XIRP2: variants seen among roughly 807,000 people sequenced by gnomAD.
The protein encoded by XIRP2 is xin actin-binding repeat-containing protein 2.
In XIRP2, 236 loss-of-function variants were observed where a neutral mutation model predicts 277.0. That is an observed-to-expected ratio of 0.85 (90% CI 0.77 to 0.95). XIRP2 has a LOEUF of 0.95. XIRP2 is among the 40% of genes least tolerant of loss of function. XIRP2 has a pLI of 0.00. For missense variants in XIRP2, 4,640 were observed against 4,157.5 expected (o/e 1.12, Z -3.19); for synonymous variants, 1,490 against 1,416.5 (o/e 1.05, Z -1.17).
intron 2 of XIRP2, among the ~76,000 whole-genome samples, chr2:166,906,477 A>G (rs1340891698): frequency 1.3e-5 from 2 of 152,066 alleles, no homozygotes; most frequent in Admixed American, 6.6e-5. Context: ...TTTACTTGTA[A>G]GTAGATGTAC....
chr2:167,135,555 G>T (rs1408003697), intron 2 of XIRP2, among the ~76,000 whole-genome samples: 11 of 151,844 alleles, frequency 7.2e-5, no homozygotes. Context: ...GCCATTTTTT[G>T]AAAGTCCCTC....
At chr2:167,175,813 C>T (rs1043830858) in intron 3 of XIRP2, among the ~76,000 whole-genome samples, 5 of 152,084 alleles carry the variant, frequency 3.3e-5, no homozygotes, top group South Asian at 2.1e-4. Flanking sequence ...GGGGCTGCTG[C>T]CTTTCTTTCA....
chr2:167,099,619 C>T lies in XIRP2; in HGVS notation c.409-36290C>T, dbSNP rs560852810. 6.6e-5 allele frequency among the ~76,000 whole-genome samples: 10 copies of T among 152,200 alleles called. No individual in the cohort carries two copies. In the South Asian group the frequency reaches 2.1e-3, roughly 32 times the overall value. The stretch of plus-strand genomic sequence containing the variant: ...CAGCTGCCCAATTTTGTGCTTGAAA[C>T]CCAGGGCCCTTGTGGTGTAGGCACC... On this transcript the variant is annotated intron_variant, in intron 2 of 10. Coordinates refer to ENST00000409195, the MANE Select transcript of XIRP2 (RefSeq NM_152381.6).
chr2:167,222,986 C>T (rs1694476805), intron 5 of XIRP2, among the ~76,000 whole-genome samples: 1 of 152,114 alleles, frequency 6.6e-6, no homozygotes, highest in South Asian at 2.1e-4. Context: ...TGCAGGGTCA[C>T]CACAATCTAA....
chr2:166,978,036 A>G (rs1023227311), intron 2 of XIRP2, among the ~76,000 whole-genome samples: 1 of 152,086 alleles, frequency 6.6e-6, no homozygotes, highest in Admixed American at 6.5e-5. Context: ...GTATGTTTGC[A>G]TGTGTGTGAT....
chr2:167,094,268 G>T (rs554923176), intron 2 of XIRP2, among the ~76,000 whole-genome samples: 29 of 152,230 alleles, frequency 1.9e-4, no homozygotes, highest in African/African-American at 6.3e-4. Flanking sequence ...TCTGTAGGTT[G>T]TCTGTTCACT....
chr2:167,187,826 G>C (rs1451955280), intron 3 of XIRP2, among the ~76,000 whole-genome samples: 2 of 152,072 alleles, frequency 1.3e-5, no homozygotes, highest in Non-Finnish European at 2.9e-5. Flanking sequence ...TTACAAATAA[G>C]AGGGAAAGCA....
In XIRP2 at chr2:167,133,985, C is replaced by G. The variant is rs73015961; in HGVS notation, c.409-1924C>G. Among the ~76,000 whole-genome samples the G allele has an allele frequency of 7.9e-3, 1,202 of 152,148 alleles. 20 individuals are homozygous for G. The highest frequency in any genetic ancestry group is 0.028 in the African/African-American group (1,161 of 41,514). On this transcript the variant is annotated intron_variant, in intron 2 of 10. Transcript: ENST00000409195. ...GAAAAAAATGACAAGTTCTTTTTCTCTATTTTTCTCCTGCAATTGTTTTTA... is the reference window on the plus strand; with the variant it reads ...GAAAAAAATGACAAGTTCTTTTTCTGTATTTTTCTCCTGCAATTGTTTTTA...
At chr2:167,205,298 T>C (rs1205361172) in intron 3 of XIRP2, among the ~76,000 whole-genome samples, 2 of 152,154 alleles carry the variant, frequency 1.3e-5, no homozygotes, top group Non-Finnish European at 2.9e-5. Flanking sequence ...CCAATATTTG[T>C]TTAGTGAGAA....
intron 2 of XIRP2, among the ~76,000 whole-genome samples, chr2:166,906,809 C>G (rs1292533941): frequency 2.6e-5 from 4 of 152,100 alleles, no homozygotes; most frequent in Non-Finnish European, 5.9e-5. Context: ...TATTTAAAAA[C>G]TAGCTGGCTT....
chr2:167,193,506 AATG>A (rs1159669200), intron 3 of XIRP2, among the ~76,000 whole-genome samples: 1 of 152,144 alleles, frequency 6.6e-6, no homozygotes, highest in Non-Finnish European at 1.5e-5. Flanking sequence ...ATGTTCAAAG[AATG>A]ATGAATAGCC....
intron 2 of XIRP2, among the ~76,000 whole-genome samples, chr2:167,042,371 C>G (rs960090082): frequency 2.0e-5 from 3 of 151,974 alleles, no homozygotes; most frequent in African/African-American, 7.3e-5. Context: ...GATTAAATGC[C>G]CAGCTTAAAA....
chr2:167,129,527 C>A (rs1233348724), intron 2 of XIRP2, among the ~76,000 whole-genome samples: 1 of 151,988 alleles, frequency 6.6e-6, no homozygotes, highest in Non-Finnish European at 1.5e-5. Context: ...ATTCTCACAT[C>A]TTAAAAAATA....
chr2:167,030,543 C>A (rs1688314388), intron 2 of XIRP2, among the ~76,000 whole-genome samples: 1 of 152,056 alleles, frequency 6.6e-6, no homozygotes, highest in Non-Finnish European at 1.5e-5. Context: ...TTTCTTAATC[C>A]TGAGTTCTCA....
chr2:167,208,387 A>C (rs1164988551), intron 3 of XIRP2, among the ~76,000 whole-genome samples: 1 of 152,118 alleles, frequency 6.6e-6, no homozygotes, highest in African/African-American at 2.4e-5. Context: ...GCTTCACTGC[A>C]AGCTTCGCCT....
At chr2:166,934,678 T>C (rs749878048) in intron 2 of XIRP2, among the ~76,000 whole-genome samples, 170 of 152,250 alleles carry the variant, frequency 1.1e-3, no homozygotes, top group South Asian at 2.9e-3. Flanking sequence ...ATCCTCTAGC[T>C]TTGCCACCTA....
At chr2:166,939,679 C>CA (rs138977006) in intron 2 of XIRP2, among the ~76,000 whole-genome samples, 14,841 of 89,686 alleles carry the variant, frequency 0.17, 1,362 homozygotes, top group African/African-American at 0.22. Flanking sequence ...GACTCCATCA[C>CA]AAAAAAAAAA....
At chr2:166,930,006 G>A (rs1349918576) in intron 2 of XIRP2, among the ~76,000 whole-genome samples, 1 of 152,156 alleles carries the variant, frequency 6.6e-6, no homozygotes, top group East Asian at 1.9e-4. Flanking sequence ...AAATGACAAT[G>A]TATAGCTAGG....
intron 3 of XIRP2, among the ~76,000 whole-genome samples, chr2:167,150,759 T>C (rs1691993882): frequency 6.6e-6 from 1 of 152,064 alleles, no homozygotes; most frequent in Admixed American, 6.6e-5. Context: ...AAATTATTTA[T>C]AGTACTATGA....
Sources: allele counts gnomAD v4.1 joint callset (sites outside exome capture counted in the v4.1 genomes callset), GRCh38; gene constraint gnomAD v4.1.1; transcripts MANE v1.5; gene names NCBI Gene and HGNC (gene_info 2026-07-23, HGNC 2026-07-21).